The following ASAH1 variants were observed in gnomAD, a reference collection of about 807,000 sequenced individuals.
ASAH1 encodes the protein acid ceramidase.
In ASAH1, 70 loss-of-function variants were observed where a neutral mutation model predicts 59.5. The observed-to-expected ratio is 1.18, with a 90% confidence interval of 0.97 to 1.43. The LOEUF is 1.43. Ranked by LOEUF, ASAH1 falls within the 40% of genes most tolerant of loss-of-function variation. The pLI is 0.00. For synonymous variants in ASAH1, 213 were observed against 166.5 expected (o/e 1.28, Z -2.15); for missense variants, 660 against 482.5 (o/e 1.37, Z -3.45).
chr8:18,067,080 AGCTGTATATCTAAGACCTGTGCACCTGT>A, intron 5 of ASAH1, 112 bp downstream of exon 5: 2 of 219,544 alleles, frequency 9.1e-6, no homozygotes, highest in Non-Finnish European at 1.0e-5. Context: ...AGCTTCACTG[AGCTGTATATCTAAGACCTGTGCACCTGT>A]GCTGTATATC....
At chr8:18,060,310 A>C (rs1398725293) in intron 10 of ASAH1, 1 of 154,356 alleles carries the variant, frequency 6.5e-6, no homozygotes, top group Non-Finnish European at 1.4e-5. Flanking sequence ...TTTTCTAAAA[A>C]AGGATGGTGA....
chr8:18,070,226 C>T lies in ASAH1; in HGVS notation c.217-348G>A, dbSNP rs1239867958. Among the ~76,000 whole-genome samples the T allele has an allele frequency of 2.6e-5, 4 of 151,780 alleles. No individual in the cohort carries two copies. The South Asian group carries it at 6.2e-4, about 24-fold the overall frequency. On this transcript the variant is annotated intron_variant, in intron 3 of 13. Coordinates refer to ENST00000637790, the MANE Select transcript of ASAH1 (RefSeq NM_177924.5). ...GTGCAATGGCACGATCTCTGCTCAC[C>T]GCAACCTCTGCCTCCCGGGTTCAAG... is the stretch of plus-strand genomic sequence containing the variant.
intron 10 of ASAH1, chr8:18,061,012 C>T: frequency 4.7e-6 from 1 of 213,076 alleles, no homozygotes; most frequent in Non-Finnish European, 9.5e-6. Context: ...CTCAGCCACC[C>T]AAAGCGTGAG....
rs1352059077 is a variant in ASAH1 at position 18,082,060 on chromosome 8, ACAAT to A, written c.78+1917_78+1920del. On this transcript the variant is annotated intron_variant, in intron 1 of 13. Coordinates refer to ENST00000637790, the MANE Select transcript of ASAH1 (RefSeq NM_177924.5). ...GCAACAATGAAAACTTGAAGTCCAT[ACAAT>A]CAGAGTAAAGATTAACATTCTAAAT... Among the ~76,000 whole-genome samples the A allele has an allele frequency of 4.6e-5, 7 of 152,356 alleles. No homozygotes were observed. In the East Asian group the frequency reaches 5.8e-4, roughly 13 times the overall value.
At chr8:18,079,031 C>A (rs1394106950) in intron 1 of ASAH1, among the ~76,000 whole-genome samples, 5 of 152,086 alleles carry the variant, frequency 3.3e-5, no homozygotes, top group Non-Finnish European at 5.9e-5. Context: ...AATTCCAGCA[C>A]CTTGGGAGGC....
chr8:18,080,618 C>T (rs547819706), intron 1 of ASAH1, among the ~76,000 whole-genome samples: 3 of 152,336 alleles, frequency 2.0e-5, no homozygotes, highest in African/African-American at 7.2e-5. Flanking sequence ...AGTGCAATGG[C>T]AGGATCTTGG....
intron 2 of ASAH1, among the ~76,000 whole-genome samples, chr8:18,073,512 C>T (rs1042094224): frequency 6.6e-6 from 1 of 152,176 alleles, no homozygotes; most frequent in East Asian, 1.9e-4. Context: ...CACACATATA[C>T]AAATAAGAGA....
At chr8:18,071,144 T>G (rs185723117) in intron 3 of ASAH1, among the ~76,000 whole-genome samples, 156 bp downstream of exon 3, 20 of 151,672 alleles carry the variant, frequency 1.3e-4, no homozygotes, top group African/African-American at 4.6e-4. Context: ...GAGGCGGAGG[T>G]TGCGGCGAGC....
At chr8:18,064,842 T>C (rs1024440615) in intron 5 of ASAH1, 2 of 287,736 alleles carry the variant, frequency 7.0e-6, no homozygotes, top group Non-Finnish European at 1.3e-5. Context: ...GGAGCGTAAA[T>C]ATGATCATTT....
chr8:18,083,627 G>A (rs978583039), intron 1 of ASAH1, among the ~76,000 whole-genome samples: 1 of 152,226 alleles, frequency 6.6e-6, no homozygotes, highest in Non-Finnish European at 1.5e-5. Context: ...ATTGAGTAAT[G>A]CACACAGGTC....
At chr8:18,061,868 A>T in intron 8 of ASAH1, 128 bp from the exon 9 acceptor site, 1 of 897,366 alleles carries the variant, frequency 1.1e-6, no homozygotes, top group South Asian at 1.4e-5. Flanking sequence ...AAATAAATCA[A>T]AACCATAAAA....
In ASAH1 at chr8:18,064,457, CTTT is replaced by C; in HGVS notation, c.454_456del (p.Lys152del). On this transcript the variant is annotated inframe_deletion and splice_region_variant, in exon 6 of 14. Transcript: ENST00000637790. Reference sequence around the variant, plus strand: ...CCACCCTCCCTCAGCGCACAATTACCTTTTTTGTCTTCTGCTACTATTGAAGTA... The same window carrying C: ...CCACCCTCCCTCAGCGCACAATTACCTTTGTCTTCTGCTACTATTGAAGTA... 1 of 1,559,804 alleles carries C rather than the reference CTTT, an allele frequency of 6.4e-7. No individual in the cohort carries two copies. Among genetic ancestry groups the C allele is most frequent in the Non-Finnish European group, 8.8e-7 (1 of 1,132,534 alleles).
intron 10 of ASAH1, 53 bp from the exon 11 acceptor site, chr8:18,059,756 A>T: frequency 1.3e-6 from 2 of 1,487,660 alleles, no homozygotes; most frequent in Admixed American, 2.0e-5. Context: ...ATTTTAGTAA[A>T]TAACTTCATT....
chr8:18,062,868 C>CTTTTTTTTTTTTT (rs10562212), intron 7 of ASAH1: 1 of 174,718 alleles, frequency 5.7e-6, no homozygotes, highest in African/African-American at 3.1e-5. Flanking sequence ...GTTCTGTGTT[C>CTTTTTTTTTTTTT]TTTTTTTTTT....
intron 1 of ASAH1, chr8:18,075,975 T>C (rs1179340327): frequency 3.3e-6 from 1 of 305,076 alleles, no homozygotes; most frequent in Non-Finnish European, 6.3e-6. Context: ...CAACCTGTCC[T>C]GGGATTTGCC....
intron 6 of ASAH1, 158 bp downstream of exon 6, chr8:18,064,298 TC>T (rs1238097442): frequency 1.5e-6 from 1 of 664,394 alleles, no homozygotes; most frequent in Non-Finnish European, 2.6e-6. Flanking sequence ...AGGAAAATTT[TC>T]AGTACAATCA....
intron 5 of ASAH1, 150 bp from the exon 6 acceptor site, chr8:18,064,681 C>A (rs1034536364): frequency 2.4e-5 from 15 of 622,732 alleles, no homozygotes; most frequent in Non-Finnish European, 3.7e-5. Flanking sequence ...AGGTGGTTTT[C>A]TTCCCCAGCC....
Position 18,064,543 on chromosome 8 carries a change from G to C in ASAH1, c.383-12C>G. 6.9e-7 allele frequency: 1 copy of C among 1,452,890 alleles called. No homozygotes were observed. The highest frequency in any genetic ancestry group is 9.6e-7 in the Non-Finnish European group (1 of 1,044,062). The allele number at this position is 1,452,890 out of a possible 1,614,324, so 90.0% of individuals were successfully genotyped here. A position where few individuals can be genotyped will look rare whatever the true frequency, so the allele number is the denominator to read the frequency against. On this transcript the variant is annotated splice_polypyrimidine_tract_variant and intron_variant, in intron 5 of 13. Coordinates refer to ENST00000637790, the MANE Select transcript of ASAH1 (RefSeq NM_177924.5). ...TGAAATAATCTCTCCTATGAGAAAA[G>C]AAAATTTTGTGTTAATATACAGAAC...
chr8:18,061,545 CAG>C, intron 9 of ASAH1, 87 bp from the exon 10 acceptor site: 6 of 1,438,998 alleles, frequency 4.2e-6, no homozygotes, highest in Non-Finnish European at 5.9e-6. Context: ...ACTATATAAC[CAG>C]TCAGGAACCA....
Sources: allele counts gnomAD v4.1 joint callset (sites outside exome capture counted in the v4.1 genomes callset), GRCh38; gene constraint gnomAD v4.1.1; transcripts MANE v1.5; gene names NCBI Gene and HGNC (gene_info 2026-07-23, HGNC 2026-07-21).